The following XKR9 variants were observed in gnomAD, a reference collection of about 807,000 sequenced individuals.
XKR9 encodes the protein XK-related protein 9.
A neutral mutation model predicts 32.0 loss-of-function variants in XKR9; 32 were observed. That is an observed-to-expected ratio of 1.00 (90% CI 0.76 to 1.34). The LOEUF is 1.34. XKR9 is among the 40% of genes most tolerant of loss of function. The pLI is 0.00. For synonymous variants in XKR9, 168 were observed against 143.4 expected (o/e 1.17, Z -1.22); for missense variants, 546 against 429.7 (o/e 1.27, Z -2.39).
At chr8:70,964,515 A>G in the XKR9 span, among the ~76,000 whole-genome samples, 12 of 152,192 alleles carry the variant, frequency 7.9e-5, no homozygotes, top group South Asian at 6.2e-4. Flanking sequence ...TATCAATGGT[A>G]GTTTAATAGG....
the XKR9 span, among the ~76,000 whole-genome samples, chr8:70,926,929 T>A: frequency 6.6e-6 from 1 of 151,824 alleles, no homozygotes; most frequent in Non-Finnish European, 1.5e-5. Flanking sequence ...TTCATATATA[T>A]ATGAAAACCA....
At chr8:70,674,093 C>T (rs1818807841) in intron 1 of XKR9, among the ~76,000 whole-genome samples, 1 of 151,910 alleles carries the variant, frequency 6.6e-6, no homozygotes, top group Non-Finnish European at 1.5e-5. Context: ...TGCTTGAGCC[C>T]AGGAGTTCGA....
the XKR9 span, among the ~76,000 whole-genome samples, chr8:70,969,227 A>G: frequency 6.6e-6 from 1 of 152,264 alleles, no homozygotes; most frequent in Non-Finnish European, 1.5e-5. Flanking sequence ...AAATTAGCTC[A>G]TAGTAAGTAA....
At chr8:70,912,049 G>A in the XKR9 span, among the ~76,000 whole-genome samples, 1 of 152,164 alleles carries the variant, frequency 6.6e-6, no homozygotes, top group East Asian at 1.9e-4. Flanking sequence ...GGTGTTGAAA[G>A]CCAAATGAGC....
At chr8:70,850,742 C>A in the XKR9 span, among the ~76,000 whole-genome samples, 2 of 152,084 alleles carry the variant, frequency 1.3e-5, no homozygotes, top group Admixed American at 6.6e-5. Context: ...CCCCTACTAG[C>A]TAAAAACACT....
chr8:70,685,785 A>G (rs1020210502), intron 3 of XKR9, among the ~76,000 whole-genome samples: 2 of 148,516 alleles, frequency 1.3e-5, no homozygotes, highest in South Asian at 4.3e-4. Flanking sequence ...CCTAATGCTA[A>G]ATGATGAGTT....
the XKR9 span, among the ~76,000 whole-genome samples, chr8:71,042,271 T>C: frequency 6.6e-6 from 1 of 152,096 alleles, no homozygotes; most frequent in Non-Finnish European, 1.5e-5. Flanking sequence ...CTGAGAGTAA[T>C]CTGCCTTGGG....
chr8:70,799,964 C>A, the XKR9 span, among the ~76,000 whole-genome samples: 1 of 152,092 alleles, frequency 6.6e-6, no homozygotes, highest in African/African-American at 2.4e-5. Flanking sequence ...ATGTTTCCAG[C>A]TTTTCCCATT....
At chr8:71,050,292 GATATAT>G in the XKR9 span, among the ~76,000 whole-genome samples, 612 of 71,950 alleles carry the variant, frequency 8.5e-3, 5 homozygotes, top group East Asian at 0.021. Context: ...TATAGATATA[GATATAT>G]ATATAGATAT....
chr8:70,719,643 C>T (rs906104078), intron 4 of XKR9, among the ~76,000 whole-genome samples: 1 of 152,028 alleles, frequency 6.6e-6, no homozygotes, highest in Non-Finnish European at 1.5e-5. Context: ...TGTCCTGATC[C>T]ATTGTTCTAT....
chr8:70,784,946 A>C (rs1807663549), intron 2 of XKR9, among the ~76,000 whole-genome samples: 1 of 151,598 alleles, frequency 6.6e-6, no homozygotes. Flanking sequence ...CTTTTTCTAC[A>C]CCTACCAGGT....
chr8:70,700,848 C>T (rs1805500309), intron 3 of XKR9, among the ~76,000 whole-genome samples: 1 of 152,236 alleles, frequency 6.6e-6, no homozygotes, highest in East Asian at 1.9e-4. Context: ...GCAGTTTGAG[C>T]TTCCCAGCTG....
At chr8:71,013,429 T>C in the XKR9 span, among the ~76,000 whole-genome samples, 2 of 152,094 alleles carry the variant, frequency 1.3e-5, no homozygotes, top group Non-Finnish European at 2.9e-5. Flanking sequence ...ATTGAGGCAG[T>C]GCGGCATGGA....
chr8:70,711,681 C>T (rs1805924993), intron 4 of XKR9, among the ~76,000 whole-genome samples: 1 of 134,640 alleles, frequency 7.4e-6, no homozygotes, highest in Non-Finnish European at 1.6e-5. Context: ...GGGTACTAGG[C>T]TCACTACCTG....
chr8:70,749,498 C>A (rs1295213118), intron 2 of XKR9, among the ~76,000 whole-genome samples: 1 of 152,248 alleles, frequency 6.6e-6, no homozygotes, highest in Non-Finnish European at 1.5e-5. Context: ...ACTTGTGGTA[C>A]ATTTGGTCCA....
the XKR9 span, among the ~76,000 whole-genome samples, chr8:70,867,025 C>T: frequency 2.9e-4 from 44 of 152,194 alleles, no homozygotes; most frequent in African/African-American, 8.4e-4. Context: ...TTTATTTTCA[C>T]GCTGCTGATA....
At chr8:70,965,255 A>T in the XKR9 span, among the ~76,000 whole-genome samples, 2 of 152,102 alleles carry the variant, frequency 1.3e-5, no homozygotes, top group African/African-American at 4.8e-5. Context: ...ACATTTATTG[A>T]TTTGTGTATG....
chr8:70,775,830 G>T (rs543781499), intron 2 of XKR9, among the ~76,000 whole-genome samples: 1 of 151,214 alleles, frequency 6.6e-6, no homozygotes, highest in Non-Finnish European at 1.5e-5. Flanking sequence ...CTGCAGCTTC[G>T]ATTTTTTGGG....
At chr8:70,926,895 T>G in the XKR9 span, among the ~76,000 whole-genome samples, 3,347 of 152,236 alleles carry the variant, frequency 0.022, 134 homozygotes, top group African/African-American at 0.076. Context: ...TTAGGAAAGT[T>G]ATATGAACTT....
Sources: allele counts gnomAD v4.1 joint callset (sites outside exome capture counted in the v4.1 genomes callset), GRCh38; gene constraint gnomAD v4.1.1; transcripts MANE v1.5; gene names NCBI Gene and HGNC (gene_info 2026-07-23, HGNC 2026-07-21).